The following DPYD variants were observed in gnomAD, a reference collection of about 807,000 sequenced individuals.
DPYD encodes dihydropyrimidine dehydrogenase, also known as dihydropyrimidine dehydrogenase [NADP(+)].
In DPYD, 109 loss-of-function variants were observed where a neutral mutation model predicts 116.2. The observed-to-expected ratio is 0.94, with a 90% CI of 0.80 to 1.10. DPYD has a LOEUF of 1.10. DPYD is among the 50% of genes least tolerant of loss of function. The pLI is 0.00. For missense variants in DPYD, 1,302 were observed against 1,254.5 expected (o/e 1.04, Z -0.57); for synonymous variants, 440 against 432.0 (o/e 1.02, Z -0.23).
intron 14 of DPYD, among the ~76,000 whole-genome samples, chr1:97,398,309 G>C (rs1166023904): frequency 6.6e-6 from 1 of 152,102 alleles, no homozygotes; most frequent in East Asian, 1.9e-4. Context: ...GTATTGCATG[G>C]TGTATATGTT....
At chr1:97,312,418 G>A (rs1018550728) in intron 16 of DPYD, among the ~76,000 whole-genome samples, 1 of 151,838 alleles carries the variant, frequency 6.6e-6, no homozygotes, top group Admixed American at 6.6e-5. Flanking sequence ...CAAATACCTA[G>A]CCTAATTAAA....
At chr1:97,201,142 TA>T (rs1304557283) in intron 19 of DPYD, among the ~76,000 whole-genome samples, 1 of 152,196 alleles carries the variant, frequency 6.6e-6, no homozygotes, top group African/African-American at 2.4e-5. Context: ...ATAATTTTCA[TA>T]AAAAGAAGCG....
intron 19 of DPYD, among the ~76,000 whole-genome samples, chr1:97,201,250 T>C (rs1479690762): frequency 6.6e-6 from 1 of 152,140 alleles, no homozygotes; most frequent in Non-Finnish European, 1.5e-5. Context: ...TTAAAATTTC[T>C]TACTTTAACT....
At chr1:97,224,076 A>G (rs1286805630) in intron 19 of DPYD, among the ~76,000 whole-genome samples, 2 of 152,076 alleles carry the variant, frequency 1.3e-5, no homozygotes, top group Non-Finnish European at 2.9e-5. Flanking sequence ...TCTAATTTGC[A>G]TATTCTAACT....
chr1:97,571,563 G>A (rs1431423223), intron 11 of DPYD, among the ~76,000 whole-genome samples: 2 of 151,810 alleles, frequency 1.3e-5, no homozygotes, highest in Non-Finnish European at 2.9e-5. Flanking sequence ...TGGAGGGGTG[G>A]AAAGAGAAGT....
chr1:97,494,472 C>A (rs1482386233), intron 13 of DPYD, among the ~76,000 whole-genome samples: 2 of 152,212 alleles, frequency 1.3e-5, no homozygotes, highest in African/African-American at 4.8e-5. Flanking sequence ...TTTGCAATTT[C>A]ATTGCAATTT....
intron 12 of DPYD, among the ~76,000 whole-genome samples, chr1:97,536,111 A>T (rs1232450028): frequency 6.6e-6 from 1 of 152,198 alleles, no homozygotes; most frequent in Non-Finnish European, 1.5e-5. Context: ...GATCACATAC[A>T]TTTCTGGTAC....
At chr1:97,644,619 GTTTT>G (rs373133269) in intron 8 of DPYD, among the ~76,000 whole-genome samples, 1 of 139,384 alleles carries the variant, frequency 7.2e-6, no homozygotes, top group Non-Finnish European at 1.6e-5. Context: ...TTTTGTTTTT[GTTTT>G]TTTTTTTTGT....
Position 97,208,246 on chromosome 1 carries a change from C to CTCTT in DPYD, c.2443-15002_2443-14999dup, listed in dbSNP as rs375270766. Among the ~76,000 whole-genome samples the CTCTT allele has an allele frequency of 6.1e-4, 80 of 130,188 alleles. 1 individual carries two copies. The highest frequency in any genetic ancestry group is 5.3e-3 in the East Asian group (24 of 4,562). The allele number at this position is 130,188 out of a possible 152,430, so 85.4% of individuals were successfully genotyped here. ...TTTCTTTTCTTTCTCTTTCTTCTTT[C>CTCTT]TCTTTCTTTCTTTCTTTCTTTTTCT... On this transcript the variant is annotated intron_variant, in intron 19 of 22. Coordinates refer to ENST00000370192, the MANE Select transcript of DPYD (RefSeq NM_000110.4).
chr1:97,102,484 T>TATCG (rs1377998838), intron 20 of DPYD, among the ~76,000 whole-genome samples: 1 of 75,932 alleles, frequency 1.3e-5, no homozygotes, highest in African/African-American at 5.2e-5. Context: ...TCTATCTATC[T>TATCG]ATCTATCTAT....
At chr1:97,721,865 C>G (rs1402415564) in intron 4 of DPYD, among the ~76,000 whole-genome samples, 194 bp from the exon 5 acceptor site, 1 of 151,534 alleles carries the variant, frequency 6.6e-6, no homozygotes, top group Non-Finnish European at 1.5e-5. Flanking sequence ...TAGGAATATT[C>G]AATGCACAGT....
chr1:97,665,839 GA>G (rs2100880632), intron 8 of DPYD, among the ~76,000 whole-genome samples: 1 of 152,268 alleles, frequency 6.6e-6, no homozygotes, highest in South Asian at 2.1e-4. Context: ...GTACTGCCCT[GA>G]GCACCTTGAA....
chr1:97,485,164 A>G (rs915257598), intron 13 of DPYD, among the ~76,000 whole-genome samples: 8 of 151,794 alleles, frequency 5.3e-5, no homozygotes, highest in Non-Finnish European at 1.2e-4. Context: ...GATCTTCCCT[A>G]TTTTGTTTAT....
chr1:97,246,604 G>T (rs1662735011), intron 18 of DPYD, among the ~76,000 whole-genome samples: 1 of 152,250 alleles, frequency 6.6e-6, no homozygotes, highest in Admixed American at 6.5e-5. Context: ...CACGTTAACA[G>T]CAAAACTAAA....
intron 8 of DPYD, among the ~76,000 whole-genome samples, chr1:97,644,939 A>G (rs1169267361): frequency 6.6e-6 from 1 of 152,148 alleles, no homozygotes; most frequent in African/African-American, 2.4e-5. Context: ...TGCATACACA[A>G]GAAAAATTTT....
chr1:97,628,822 G>A (rs1657089485), intron 8 of DPYD, among the ~76,000 whole-genome samples: 1 of 152,042 alleles, frequency 6.6e-6, no homozygotes. Context: ...ATATATGTAT[G>A]TAAATATGAA....
At chr1:97,733,547 T>G (rs1663755401) in intron 4 of DPYD, among the ~76,000 whole-genome samples, 1 of 152,040 alleles carries the variant, frequency 6.6e-6, no homozygotes, top group Non-Finnish European at 1.5e-5. Flanking sequence ...AAATGCAATT[T>G]TAAGAATTGC....
chr1:97,379,794 ACAGGAGACTGAAGGAGCCAGTAGACT>A (rs1367497950), intron 15 of DPYD, among the ~76,000 whole-genome samples: 1 of 152,228 alleles, frequency 6.6e-6, no homozygotes, highest in Non-Finnish European at 1.5e-5. Context: ...CCAGTGAGAG[ACAGGAGACTGAAGGAGCCAGTAGACT>A]CATTCCTTCC....
chr1:97,160,742 T>G (rs1443794428), intron 20 of DPYD, among the ~76,000 whole-genome samples: 1 of 152,154 alleles, frequency 6.6e-6, no homozygotes, highest in African/African-American at 2.4e-5. Context: ...AATTGTTTAC[T>G]TCATCCACAA....
Sources: allele counts gnomAD v4.1 joint callset (sites outside exome capture counted in the v4.1 genomes callset), GRCh38; gene constraint gnomAD v4.1.1; transcripts MANE v1.5; gene names NCBI Gene and HGNC (gene_info 2026-07-23, HGNC 2026-07-21).